Variants in CYLC2 observed in about 807,000 individuals in gnomAD.
CYLC2 encodes cylicin-2.
Under a neutral mutation model 26.1 loss-of-function variants are expected in CYLC2, and 30 were observed. The ratio of observed to expected loss-of-function variants is 1.15; its 90% CI spans 0.86 to 1.56. The LOEUF is 1.56. CYLC2 is among the 40% of genes most tolerant of loss of function. The pLI is 0.00. For synonymous variants in CYLC2, 158 were observed against 132.8 expected (o/e 1.19, Z -1.31); for missense variants, 498 against 394.4 (o/e 1.26, Z -2.23).
intron 6 of CYLC2, among the ~76,000 whole-genome samples, chr9:103,013,667 T>C (rs1007594166): frequency 8.9e-6 from 1 of 112,724 alleles, no homozygotes; most frequent in Non-Finnish European, 1.6e-5. Context: ...TATATTATAT[T>C]AAATAATATA....
chr9:103,001,248 T>A (rs756807138), intron 1 of CYLC2, among the ~76,000 whole-genome samples: 9 of 148,884 alleles, frequency 6.0e-5, no homozygotes, highest in African/African-American at 2.2e-4. Flanking sequence ...GTAATTTTTT[T>A]AAATGTATAT....
At chr9:103,003,814 T>C (rs1829312870) in intron 3 of CYLC2, among the ~76,000 whole-genome samples, 1 of 152,116 alleles carries the variant, frequency 6.6e-6, no homozygotes, top group African/African-American at 2.4e-5. Context: ...GTCATGGGAT[T>C]ACACTATACC....
At position 103,011,348 on chromosome 9, in the gene CYLC2, C is replaced by T. The variant is rs181894090; in HGVS notation, c.*701-634C>T. On this transcript the variant is annotated intron_variant, in intron 5 of 7. Transcript: ENST00000374798. ...AACAGGTTTTTCAAGTACTAGGGGA[C>T]ATGAAATACTTACGTTTCATAAAAA... 7.4e-3 allele frequency among the ~76,000 whole-genome samples: 1,132 copies of T among 152,100 alleles called. 7 individuals are homozygous for T. Among genetic ancestry groups the T allele is most frequent in the South Asian group, 0.029 (138 of 4,822 alleles).
intron 5 of CYLC2, among the ~76,000 whole-genome samples, chr9:103,009,378 G>A (rs558506853): frequency 6.6e-6 from 1 of 151,768 alleles, no homozygotes; most frequent in South Asian, 2.1e-4. Flanking sequence ...GATAATTTTT[G>A]TATTTTGTAG....
In CYLC2 at chr9:103,008,131, C is replaced by G. The variant is rs74921618; in HGVS notation, c.*700+1753C>G. On this transcript the variant is annotated intron_variant, in intron 5 of 7. Coordinates refer to ENST00000374798, the MANE Select transcript of CYLC2 (RefSeq NM_001340.5). ...CCATCTCTCTGAAGATTTAGGAAATCATTTCAAATCCTCTTTTTCCTCTAT... is the reference window on the plus strand; with the variant it reads ...CCATCTCTCTGAAGATTTAGGAAATGATTTCAAATCCTCTTTTTCCTCTAT... Among the ~76,000 whole-genome samples the G allele has an allele frequency of 0.011, 1,657 of 150,722 alleles. 104 individuals are homozygous for G. The East Asian group carries it at 0.2, about 18-fold the overall frequency.
Position 103,005,676 on chromosome 9 carries a change from T to C in CYLC2, c.1045T>C (p.Ter349GlnextTer20), listed in dbSNP as rs1829339896. ...GAAGGATGCAAAGAAGAAGGGCAAG[T>C]AGGCCTTGGATAAGAATTTGAACCG... Reference protein sequence around the residue: ...EKKDAKKKGK* With the variant: ...EKKDAKKKGKQ The change falls in exon 5 of 8, where the codon TAG becomes CAG. Residue 349 changes from the stop codon to glutamine, a stop_lost. Transcript: ENST00000374798. 1 of 1,605,156 alleles carries C rather than the reference T, an allele frequency of 6.2e-7. No homozygotes were observed. The highest frequency in any genetic ancestry group is 1.3e-5 in the African/African-American group (1 of 74,164).
At chr9:103,003,354 G>C in intron 3 of CYLC2, 91 bp downstream of exon 3, 1 of 1,150,028 alleles carries the variant, frequency 8.7e-7, no homozygotes, top group Non-Finnish European at 1.2e-6. Context: ...TTAGTCTTAA[G>C]TAATCACTAA....
chr9:103,014,213 T>A (rs1177764286), intron 6 of CYLC2, among the ~76,000 whole-genome samples: 1 of 123,222 alleles, frequency 8.1e-6, no homozygotes, highest in African/African-American at 3.2e-5. Flanking sequence ...ATTATATATC[T>A]CATATATAAT....
intron 6 of CYLC2, among the ~76,000 whole-genome samples, chr9:103,014,418 CATAAT>C (rs1829463957): frequency 9.3e-6 from 1 of 107,000 alleles, no homozygotes; most frequent in South Asian, 3.5e-4. Flanking sequence ...CGTAATGTAA[CATAAT>C]AACATAATGT....
rs915903047 is a variant in CYLC2, at chr9:103,004,826, T to G, written c.312T>G (p.Thr104=). Residue 104 remains threonine, a synonymous_variant, in exon 4 of 8, where the codon ACT becomes ACG. Transcript: ENST00000374798. The stretch of plus-strand genomic sequence containing the variant: ...GGCAGCCTCTCAAACCAACTCGTAC[T>G]GTCGAGGTGGATTCTAAAGCAGCAG... ...ARRQPLKPTR[T]VEVDSKAAEI... 2.5e-6 allele frequency: 4 copies of G among 1,610,678 alleles called. No individual in the cohort carries two copies. Among genetic ancestry groups the G allele is most frequent in the South Asian group, 2.2e-5 (2 of 90,228 alleles).
Position 103,004,975 on chromosome 9 carries a change from G to C in CYLC2, c.344G>C (p.Gly115Ala). ...TTTGAATATTTATCCCCAGAAATTG[G>C]TAAGAAAGGTGAAGACAAGACAACA... The part of the protein sequence containing the change: ...VEVDSKAAEI[G>A]KKGEDKTTQK... Residue 115 changes from glycine (G) to alanine (A), a missense_variant, in exon 5 of 8, where the codon GGT becomes GCT. Gly to Ala is a moderately conservative substitution (Grantham distance 60, BLOSUM62 0). Coordinates refer to ENST00000374798, the MANE Select transcript of CYLC2 (RefSeq NM_001340.5). 6.3e-7 allele frequency: 1 copy of C among 1,579,536 alleles called. No homozygotes were observed. Among genetic ancestry groups the C allele is most frequent in the South Asian group, 1.2e-5 (1 of 84,420 alleles).
rs1829423161 is a variant in CYLC2, at chr9:103,012,903, A to G, written c.*816+806A>G. On this transcript the variant is annotated intron_variant, in intron 6 of 7. Transcript: ENST00000374798. ...GGTATATACAGAGAAGATAGTGAGTAACAAATCACAGTATGGTGTAGTTTG... is the reference window on the plus strand; with the variant it reads ...GGTATATACAGAGAAGATAGTGAGTGACAAATCACAGTATGGTGTAGTTTG... Among the ~76,000 whole-genome samples, 5 of 151,272 alleles carry G rather than the reference A, an allele frequency of 3.3e-5. No individual in the cohort carries two copies. The South Asian group carries it at 1.0e-3, about 31-fold the overall frequency.
intron 3 of CYLC2, among the ~76,000 whole-genome samples, chr9:103,003,542 T>C (rs1829309812): frequency 2.0e-5 from 3 of 152,324 alleles, no homozygotes; most frequent in South Asian, 2.1e-4. Flanking sequence ...TGAATTAAAG[T>C]AAATTCACAT....
intron 1 of CYLC2, 86 bp downstream of exon 1, chr9:102,995,483 A>T: frequency 1.1e-6 from 1 of 937,344 alleles, no homozygotes; most frequent in Non-Finnish European, 1.7e-6. Context: ...TATTTATTAT[A>T]TTATTATGAT....
chr9:103,004,391 T>C (rs1014540884), intron 3 of CYLC2, among the ~76,000 whole-genome samples: 2 of 152,016 alleles, frequency 1.3e-5, no homozygotes, highest in Non-Finnish European at 2.9e-5. Flanking sequence ...AACATACAGT[T>C]TAAAAAGCCT....
chr9:103,002,321 T>A (rs962481846), intron 2 of CYLC2, among the ~76,000 whole-genome samples: 4 of 150,942 alleles, frequency 2.7e-5, no homozygotes, highest in Non-Finnish European at 5.9e-5. Flanking sequence ...ATGTCACCTA[T>A]AACGATACCA....
At position 102,998,268 on chromosome 9, in the gene CYLC2, C is replaced by T. The variant is rs16922374; in HGVS notation, c.17+2871C>T. Among the ~76,000 whole-genome samples, 1,443 of 151,876 alleles carry T rather than the reference C, an allele frequency of 9.5e-3. 62 individuals are homozygous for T. The East Asian group carries it at 0.16, about 17-fold the overall frequency. ...CTTTTGACTTAATAATCATTTTTCC[C>T]TCTTCTTAGGTTAAGTCATTAAATT... On this transcript the variant is annotated intron_variant, in intron 1 of 7. Coordinates refer to ENST00000374798, the MANE Select transcript of CYLC2 (RefSeq NM_001340.5).
intron 7 of CYLC2, among the ~76,000 whole-genome samples, chr9:103,017,887 T>G (rs1379081225): frequency 1.3e-5 from 2 of 151,970 alleles, no homozygotes; most frequent in African/African-American, 4.8e-5. Flanking sequence ...TGGTCTTTCC[T>G]CTGTGTGGAT....
At chr9:103,018,242 A>G (rs940597911) in intron 7 of CYLC2, 83 bp from the exon 8 acceptor site, 1 of 152,004 alleles carries the variant, frequency 6.6e-6, no homozygotes, top group African/African-American at 2.4e-5. Context: ...GACCTTCAGC[A>G]TTTGGTAGAT....
Sources: gnomAD v4.1 joint callset for allele counts (sites outside exome capture counted in the v4.1 genomes callset) on GRCh38, gnomAD v4.1.1 for gene constraint, MANE v1.5 for transcripts, NCBI Gene and HGNC (gene_info 2026-07-23, HGNC 2026-07-21) for gene names.